SUSD4: variants seen among roughly 807,000 people sequenced by gnomAD.
SUSD4 encodes sushi domain-containing protein 4.
SUSD4 carries 41 observed loss-of-function variants against 50.5 expected under a neutral mutation model. That is an observed-to-expected ratio of 0.81 (90% confidence interval 0.63 to 1.05). The LOEUF is 1.05. Among genes scored for constraint, SUSD4 ranks in the 50% least tolerant of loss-of-function variants. The pLI is 0.00. For missense variants in SUSD4, 580 were observed against 634.7 expected (o/e 0.91, Z 0.93); for synonymous variants, 257 against 257.3 (o/e 1.00, Z 0.01).
At chr1:223,305,308 T>G (rs1665468065) in intron 2 of SUSD4, among the ~76,000 whole-genome samples, 1 of 151,942 alleles carries the variant, frequency 6.6e-6, no homozygotes, top group South Asian at 2.1e-4. Flanking sequence ...ACCCCCTGAT[T>G]TGGGCACAGG....
At chr1:223,326,958 G>T (rs1666909344) in intron 2 of SUSD4, among the ~76,000 whole-genome samples, 1 of 152,154 alleles carries the variant, frequency 6.6e-6, no homozygotes, top group Admixed American at 6.5e-5. Flanking sequence ...GCTAAAAGTA[G>T]ATCTACCATT....
chr1:223,227,878 A>G lies in SUSD4; in HGVS notation c.917-140T>C. 1 of 1,087,704 alleles carries G rather than the reference A, an allele frequency of 9.2e-7. No homozygotes were observed. The highest frequency in any genetic ancestry group is 1.6e-5 in the South Asian group (1 of 61,274). 67.4% of individuals were successfully genotyped at this position (1,087,704 alleles called of 1,614,324 possible). A position where few individuals can be genotyped will look rare whatever the true frequency, so the allele number is the denominator to read the frequency against. On this transcript the variant is annotated intron_variant, in intron 6 of 8. Coordinates refer to ENST00000366878, the MANE Select transcript of SUSD4 (RefSeq NM_017982.4). The surrounding 1 kb of genome is among the most constrained non-coding windows in gnomAD (Gnocchi z 4.5). ...CTCTGACCCCCAGGGCTCGGCAGAGATACCATGTGCCCCTGTAGCTCATGT... is the reference window on the plus strand; with the variant it reads ...CTCTGACCCCCAGGGCTCGGCAGAGGTACCATGTGCCCCTGTAGCTCATGT...
chr1:223,271,685 T>C (rs1187386662), intron 3 of SUSD4, among the ~76,000 whole-genome samples: 3 of 152,210 alleles, frequency 2.0e-5, no homozygotes, highest in Non-Finnish European at 4.4e-5. Context: ...AGAGCCTTTA[T>C]GATTTCTTTA....
At chr1:223,270,941 A>G (rs1263681987) in intron 3 of SUSD4, among the ~76,000 whole-genome samples, 1 of 152,180 alleles carries the variant, frequency 6.6e-6, no homozygotes. Context: ...ATCAACCCCA[A>G]TCCCAGAATA....
intron 3 of SUSD4, among the ~76,000 whole-genome samples, chr1:223,284,548 AAAGC>A (rs1664003365): frequency 6.6e-6 from 1 of 152,182 alleles, no homozygotes; most frequent in African/African-American, 2.4e-5. Flanking sequence ...TGATGTATAT[AAAGC>A]ATGAGCATGT....
At chr1:223,320,757 C>A (rs1666526712) in intron 2 of SUSD4, among the ~76,000 whole-genome samples, 1 of 152,162 alleles carries the variant, frequency 6.6e-6, no homozygotes, top group East Asian at 1.9e-4. Flanking sequence ...TTGCTCAATG[C>A]CCTGAGCTCA....
intron 5 of SUSD4, among the ~76,000 whole-genome samples, chr1:223,242,329 C>T (rs764235117): frequency 6.6e-6 from 1 of 152,222 alleles, no homozygotes; most frequent in Non-Finnish European, 1.5e-5. Context: ...CAGAGCCTCT[C>T]CAGTGTTGTG....
chr1:223,262,330 T>A (rs1396021602), intron 5 of SUSD4, among the ~76,000 whole-genome samples: 1 of 152,192 alleles, frequency 6.6e-6, no homozygotes, highest in Non-Finnish European at 1.5e-5. Flanking sequence ...CACAGCCCAG[T>A]GCAATAATTT....
At chr1:223,226,572 G>C (rs1659533518) in intron 7 of SUSD4, among the ~76,000 whole-genome samples, 1 of 152,220 alleles carries the variant, frequency 6.6e-6, no homozygotes, top group African/African-American at 2.4e-5. Flanking sequence ...TCACAGCTGG[G>C]AGATGTGAGC....
chr1:223,340,521 G>A (rs1325197990), intron 2 of SUSD4, among the ~76,000 whole-genome samples: 1 of 152,172 alleles, frequency 6.6e-6, no homozygotes, highest in Non-Finnish European at 1.5e-5. Flanking sequence ...AGAGTAGTGT[G>A]CCACAATCAA....
chr1:223,289,927 C>G (rs1289831490), intron 3 of SUSD4, among the ~76,000 whole-genome samples: 1 of 152,178 alleles, frequency 6.6e-6, no homozygotes, highest in Non-Finnish European at 1.5e-5. Flanking sequence ...AGCCAGGCTG[C>G]TTACTCATCA....
At chr1:223,363,550 C>G (rs1022200830) in intron 1 of SUSD4, 90 bp from the exon 2 acceptor site, 21 of 1,342,666 alleles carry the variant, frequency 1.6e-5, no homozygotes, top group Middle Eastern at 2.0e-4. Context: ...CCCGGCGCCT[C>G]GGCTTCCCAG....
Position 223,354,351 on chromosome 1 carries a change from A to C in SUSD4, c.148+8927T>G, listed in dbSNP as rs901348730. Among the ~76,000 whole-genome samples the C allele has an allele frequency of 4.6e-5, 7 of 152,250 alleles. No individual in the cohort carries two copies. In the South Asian group the frequency reaches 1.2e-3, roughly 27 times the overall value. On this transcript the variant is annotated intron_variant, in intron 2 of 8. Coordinates refer to ENST00000366878, the MANE Select transcript of SUSD4 (RefSeq NM_017982.4). ...AACTCCTCAGCCTCCAAAAAAAAAA[A>C]AAAGAACACCTCGCATCCACAAAGC...
intron 2 of SUSD4, among the ~76,000 whole-genome samples, chr1:223,302,113 A>T (rs1320414072): frequency 6.6e-6 from 1 of 152,144 alleles, no homozygotes; most frequent in East Asian, 1.9e-4. Context: ...AGTGTGTGGC[A>T]CCTTCCCCTT....
chr1:223,269,336 G>A (rs1212685160), intron 3 of SUSD4, among the ~76,000 whole-genome samples: 3 of 152,222 alleles, frequency 2.0e-5, no homozygotes, highest in Non-Finnish European at 2.9e-5. Flanking sequence ...CACGTTTATA[G>A]GAGAAGAGGC....
At chr1:223,290,160 A>G (rs1252888704) in intron 3 of SUSD4, among the ~76,000 whole-genome samples, 1 of 152,250 alleles carries the variant, frequency 6.6e-6, no homozygotes, top group Non-Finnish European at 1.5e-5. Flanking sequence ...TTACCTGGCA[A>G]GGATAACAAA....
chr1:223,363,565 C>G, intron 1 of SUSD4, 105 bp from the exon 2 acceptor site: 1 of 1,291,296 alleles, frequency 7.7e-7, no homozygotes, highest in Non-Finnish European at 1.0e-6. Flanking sequence ...TCCCAGGCTC[C>G]ATCCTGGTTC....
intron 5 of SUSD4, among the ~76,000 whole-genome samples, chr1:223,232,578 A>G (rs766112009): frequency 3.3e-5 from 5 of 152,240 alleles, no homozygotes; most frequent in African/African-American, 1.2e-4. Context: ...GTTTGTTATC[A>G]GCAGCATTTT....
chr1:223,346,893 C>T (rs1668062596), intron 2 of SUSD4, among the ~76,000 whole-genome samples: 1 of 152,174 alleles, frequency 6.6e-6, no homozygotes, highest in Non-Finnish European at 1.5e-5. Context: ...TGGCCATGAA[C>T]CTATCTTATG....
Sources: gnomAD v4.1 joint callset for allele counts (sites outside exome capture counted in the v4.1 genomes callset) on GRCh38, gnomAD v4.1.1 for gene constraint, Gnocchi (gnomAD v3.1) non-coding constraint, MANE v1.5 for transcripts, NCBI Gene and HGNC (gene_info 2026-07-23, HGNC 2026-07-21) for gene names.